NAA11: variants seen among roughly 807,000 people sequenced by gnomAD.
The protein encoded by NAA11 is N-alpha-acetyltransferase 11, NatA catalytic subunit.
A neutral mutation model predicts 16.1 loss-of-function variants in NAA11; 15 were observed. The ratio of observed to expected loss-of-function variants is 0.93; its 90% confidence interval spans 0.62 to 1.44. The LOEUF is 1.44. NAA11 is among the 40% of genes most tolerant of loss of function. NAA11 has a pLI of 0.00. For synonymous variants in NAA11, 122 were observed against 112.4 expected (o/e 1.09, Z -0.54); for missense variants, 298 against 291.3 (o/e 1.02, Z -0.17).
chr4:79,187,437 C>A, the NAA11 span, among the ~76,000 whole-genome samples: 2 of 152,084 alleles, frequency 1.3e-5, no homozygotes, highest in African/African-American at 2.4e-5. Context: ...AATAAAAAAT[C>A]AAAAAATTTT....
chr4:79,182,909 T>C, the NAA11 span, among the ~76,000 whole-genome samples: 22 of 152,308 alleles, frequency 1.4e-4, no homozygotes, highest in East Asian at 1.2e-3. Flanking sequence ...ATTGAGCTTC[T>C]ACTATGTCAA....
chr4:79,158,608 G>C, the NAA11 span, among the ~76,000 whole-genome samples: 6 of 150,358 alleles, frequency 4.0e-5, no homozygotes, highest in Non-Finnish European at 7.4e-5. Flanking sequence ...CTAAAAAAAA[G>C]TCCTAAAATT....
chr4:79,226,898 T>A (rs1191882143), intron 2 of NAA11, among the ~76,000 whole-genome samples: 1 of 152,134 alleles, frequency 6.6e-6, no homozygotes, highest in African/African-American at 2.4e-5. Context: ...TACGTATGCA[T>A]GAGTCTTTAT....
chr4:79,237,865 CCT>C (rs1366352623), intron 2 of NAA11, among the ~76,000 whole-genome samples: 1 of 152,046 alleles, frequency 6.6e-6, no homozygotes. Flanking sequence ...CATTATATGC[CCT>C]GTTTCCGTAG....
intron 2 of NAA11, among the ~76,000 whole-genome samples, chr4:79,244,441 A>G (rs1578158939): frequency 6.6e-6 from 1 of 152,276 alleles, no homozygotes; most frequent in Admixed American, 6.5e-5. Flanking sequence ...TTTATTTGTT[A>G]TCTGATTCTT....
chr4:79,227,811 A>G (rs145926595), intron 2 of NAA11: 1 of 152,010 alleles, frequency 6.6e-6, no homozygotes, highest in Non-Finnish European at 1.5e-5. Flanking sequence ...TCTTGTTCTC[A>G]GCAAAAAACT....
the NAA11 span, among the ~76,000 whole-genome samples, chr4:79,181,435 A>G: frequency 1.3e-5 from 2 of 152,268 alleles, no homozygotes; most frequent in East Asian, 3.9e-4. Context: ...CTTGCCGCTA[A>G]GGTTTAGAGT....
At chr4:79,255,398 T>C (rs1722086177) in intron 2 of NAA11, among the ~76,000 whole-genome samples, 1 of 152,154 alleles carries the variant, frequency 6.6e-6, no homozygotes, top group Non-Finnish European at 1.5e-5. Flanking sequence ...TTTATTAGTA[T>C]TTGTGTGCTA....
intron 2 of NAA11, among the ~76,000 whole-genome samples, chr4:79,238,986 C>G (rs1262586540): frequency 6.6e-6 from 1 of 152,148 alleles, no homozygotes; most frequent in Non-Finnish European, 1.5e-5. Context: ...TGGACAGGAG[C>G]TGGTAAATTT....
At chr4:79,319,151 C>T (rs1724017913) in intron 1 of NAA11, among the ~76,000 whole-genome samples, 1 of 152,194 alleles carries the variant, frequency 6.6e-6, no homozygotes, top group African/African-American at 2.4e-5. Context: ...TGGTCTTGAA[C>T]TCCTGGCCTC....
Position 79,264,056 on chromosome 4 carries a change from C to T in NAA11, c.*122+29949G>A, listed in dbSNP as rs548433728. Among the ~76,000 whole-genome samples the T allele has an allele frequency of 7.8e-4, 118 of 152,192 alleles. 1 individual carries two copies. Among genetic ancestry groups the T allele is most frequent in the African/African-American group, 2.7e-3 (112 of 41,550 alleles). ...GCCACTGTGCCCAGCCTTGCCCTCC[C>T]AATATTTAACTTTGCATGTATTGTC... On this transcript the variant is annotated intron_variant and NMD_transcript_variant, in intron 2 of 2. Transcript: ENST00000511542.
At chr4:79,220,254 G>A in the NAA11 span, among the ~76,000 whole-genome samples, 10 of 152,076 alleles carry the variant, frequency 6.6e-5, no homozygotes, top group East Asian at 7.7e-4. Context: ...CACTACGCCC[G>A]GCTAATTTTT....
intron 2 of NAA11, among the ~76,000 whole-genome samples, chr4:79,238,046 C>A (rs760524656): frequency 2.0e-4 from 30 of 152,278 alleles, no homozygotes; most frequent in Non-Finnish European, 2.4e-4. Context: ...AAGGAATGTG[C>A]CAAGTAGACA....
intron 2 of NAA11, among the ~76,000 whole-genome samples, chr4:79,280,385 T>C (rs987324104): frequency 4.6e-5 from 7 of 152,080 alleles, no homozygotes; most frequent in African/African-American, 1.7e-4. Flanking sequence ...GGGATTTGGC[T>C]CTTGAGACAA....
chr4:79,246,376 CTAAAAAA>C (rs1560420252), intron 2 of NAA11, among the ~76,000 whole-genome samples: 11 of 114,174 alleles, frequency 9.6e-5, no homozygotes, highest in South Asian at 2.7e-4. Context: ...TCAATAAATA[CTAAAAAA>C]AAAAAAAAAA....
chr4:79,325,186 C>T lies in NAA11; in HGVS notation c.*2G>A. On this transcript the variant is annotated 3_prime_UTR_variant, in exon 1 of 2. Transcript: ENST00000286794. The stretch of plus-strand genomic sequence containing the variant: ...GGGAAGACAGAATACCTTAAGCATG[C>T]TCTAGGAGGTGGAATCCGAGCTTTC... The T allele has an allele frequency of 6.2e-7, 1 of 1,602,128 alleles. No individual in the cohort carries two copies.
At chr4:79,259,897 C>G (rs965395901) in intron 2 of NAA11, among the ~76,000 whole-genome samples, 1 of 152,158 alleles carries the variant, frequency 6.6e-6, no homozygotes, top group Non-Finnish European at 1.5e-5. Context: ...TGTCTCTGTG[C>G]TGCTCGTTTT....
At chr4:79,201,660 C>T in the NAA11 span, among the ~76,000 whole-genome samples, 144 of 151,586 alleles carry the variant, frequency 9.5e-4, no homozygotes, top group African/African-American at 3.2e-3. Context: ...TAAATTTTTA[C>T]GTAATTGAAA....
chr4:79,313,708 A>G (rs1018622007), downstream of NAA11, among the ~76,000 whole-genome samples: 1 of 152,230 alleles, frequency 6.6e-6, no homozygotes, highest in African/African-American at 2.4e-5. Context: ...TGGATTTCAA[A>G]GACGCATTCA....
Sources: allele counts gnomAD v4.1 joint callset (sites outside exome capture counted in the v4.1 genomes callset), GRCh38; gene constraint gnomAD v4.1.1; transcripts MANE v1.5; gene names NCBI Gene and HGNC (gene_info 2026-07-23, HGNC 2026-07-21).